GUCY1B1: variants seen among roughly 807,000 people sequenced by gnomAD.
The protein encoded by GUCY1B1 is guanylate cyclase 1 soluble subunit beta 1, also known as guanylate cyclase soluble subunit beta-1.
Under a neutral mutation model 71.0 loss-of-function variants are expected in GUCY1B1, and 43 were observed. The ratio of observed to expected loss-of-function variants is 0.61; its 90% CI spans 0.47 to 0.78. The LOEUF (loss-of-function observed/expected upper bound fraction) is 0.78, where lower values mean the gene tolerates loss of function less well. GUCY1B1 is among the 30% of genes least tolerant of loss of function. The pLI, the probability that GUCY1B1 is intolerant of heterozygous loss-of-function variation, is 0.00. For synonymous variants in GUCY1B1, 266 were observed against 259.7 expected, an observed-to-expected ratio of 1.02 and a Z score of -0.23; for missense variants, 535 against 754.1, an observed-to-expected ratio of 0.71 and a Z score of 3.40.
chr4:155,803,580 C>T, intron 10 of GUCY1B1, 44 bp from the exon 11 acceptor site: 5 of 1,339,664 alleles, frequency 3.7e-6, no homozygotes, highest in Non-Finnish European at 4.9e-6. Flanking sequence ...ATGAAACAGT[C>T]TTTTTTATGC....
At chr4:155,803,846 T>C in intron 11 of GUCY1B1, 82 bp downstream of exon 11, 2 of 904,696 alleles carry the variant, frequency 2.2e-6, no homozygotes, top group Non-Finnish European at 1.6e-6. Flanking sequence ...CGGAAAATCA[T>C]TAACGTGTAT....
At chr4:155,785,154 T>C in intron 4 of GUCY1B1, 1 of 518,728 alleles carries the variant, frequency 1.9e-6, no homozygotes, top group Non-Finnish European at 3.3e-6. Flanking sequence ...TATTAGAACA[T>C]TAAGAAATGA....
intron 4 of GUCY1B1, among the ~76,000 whole-genome samples, chr4:155,779,693 T>C (rs1174318943): frequency 6.6e-6 from 1 of 152,248 alleles, no homozygotes; most frequent in Admixed American, 6.5e-5. Flanking sequence ...TAGATATTTA[T>C]GTTATCATTA....
At chr4:155,803,311 A>G (rs983627523) in intron 10 of GUCY1B1, among the ~76,000 whole-genome samples, 2 of 152,224 alleles carry the variant, frequency 1.3e-5, no homozygotes, top group African/African-American at 4.8e-5. Flanking sequence ...TTAGGTAGAA[A>G]TGTAAAAAAT....
chr4:155,768,220 T>C (rs895061293), intron 2 of GUCY1B1, among the ~76,000 whole-genome samples: 4 of 152,174 alleles, frequency 2.6e-5, no homozygotes, highest in African/African-American at 9.7e-5. Flanking sequence ...GTCATATTCT[T>C]AACTTACTCT....
In GUCY1B1 at chr4:155,802,633, A is replaced by C. The variant is rs1017745064; in HGVS notation, c.1413+54A>C. On this transcript the variant is annotated intron_variant, in intron 10 of 13. Transcript: ENST00000264424. This position sits in a 1 kb window ranked among gnomAD's most constrained non-coding sequence, Gnocchi z 4.3. ...GCTATCCAGAGGCTGGCGTTCTGAG[A>C]CTCCCCTCCAGAGGCCATGTCATCA... 6.8e-7 allele frequency: 1 copy of C among 1,465,352 alleles called. No individual in the cohort carries two copies. The highest frequency in any genetic ancestry group is 9.1e-7 in the Non-Finnish European group (1 of 1,096,148). The allele number at this position is 1,465,352 out of a possible 1,614,324, so 90.8% of individuals were successfully genotyped here.
chr4:155,762,606 AC>A (rs2110962016), intron 2 of GUCY1B1, among the ~76,000 whole-genome samples: 1 of 152,290 alleles, frequency 6.6e-6, no homozygotes, highest in East Asian at 1.9e-4. Context: ...TTACACTCTT[AC>A]CAACAATATA....
intron 4 of GUCY1B1, among the ~76,000 whole-genome samples, chr4:155,786,484 T>G (rs1738788465): frequency 1.5e-5 from 2 of 136,354 alleles, no homozygotes; most frequent in Non-Finnish European, 3.2e-5. Context: ...TTTTTTTTTT[T>G]TTTGAGATGG....
At chr4:155,783,301 T>C (rs1372019025) in intron 4 of GUCY1B1, among the ~76,000 whole-genome samples, 1 of 152,240 alleles carries the variant, frequency 6.6e-6, no homozygotes, top group Non-Finnish European at 1.5e-5. Flanking sequence ...TATTACATTA[T>C]ATTGTTTTTA....
intron 4 of GUCY1B1, 99 bp from the exon 5 acceptor site, chr4:155,789,615 C>G (rs1739020877): frequency 8.7e-6 from 6 of 691,176 alleles, no homozygotes; most frequent in Non-Finnish European, 1.3e-5. Flanking sequence ...GATCTGCCCA[C>G]TAGACTCCGA....
intron 2 of GUCY1B1, among the ~76,000 whole-genome samples, chr4:155,762,867 C>T (rs1737089606): frequency 6.6e-6 from 1 of 152,180 alleles, no homozygotes; most frequent in African/African-American, 2.4e-5. Flanking sequence ...AAGTGGGCTA[C>T]ATGTGATCCA....
At position 155,806,667 on chromosome 4, in the gene GUCY1B1, A is replaced by T. The variant is rs1740339525; in HGVS notation, c.*258A>T. 5.0e-6 allele frequency: 2 copies of T among 397,786 alleles called. No individual in the cohort carries two copies. Among genetic ancestry groups the T allele is most frequent in the South Asian group, 1.6e-4 (2 of 12,888 alleles). The allele number at this position is 397,786 out of a possible 1,614,324, so 24.6% of individuals were successfully genotyped here. A position where few individuals can be genotyped will look rare whatever the true frequency, so the allele number is the denominator to read the frequency against. ...ATGATGTGAGCTTCATGTGTCTTAA[A>T]ATCTACTACAAGCATTACCTAACAT... is the stretch of plus-strand genomic sequence containing the variant. On this transcript the variant is annotated 3_prime_UTR_variant, in exon 14 of 14. Coordinates refer to ENST00000264424, the MANE Select transcript of GUCY1B1 (RefSeq NM_000857.5).
At chr4:155,779,528 CGTGAGA>C (rs1738277592) in intron 4 of GUCY1B1, among the ~76,000 whole-genome samples, 1 of 151,946 alleles carries the variant, frequency 6.6e-6, no homozygotes, top group South Asian at 2.1e-4. Flanking sequence ...TCTCTTTCAA[CGTGAGA>C]GTGAAAAATG....
chr4:155,768,480 G>T (rs1737493846), intron 2 of GUCY1B1, among the ~76,000 whole-genome samples: 1 of 146,438 alleles, frequency 6.8e-6, no homozygotes. Context: ...TTTTTGTAGG[G>T]AGCTTGGAAA....
At chr4:155,777,170 T>A (rs939385359) in intron 3 of GUCY1B1, among the ~76,000 whole-genome samples, 2 of 152,238 alleles carry the variant, frequency 1.3e-5, no homozygotes, top group Non-Finnish European at 2.9e-5. Context: ...CGAGTTCAGG[T>A]GTAGAATTTT....
chr4:155,774,349 A>G (rs1214141284), intron 2 of GUCY1B1, among the ~76,000 whole-genome samples: 1 of 151,516 alleles, frequency 6.6e-6, no homozygotes, highest in Non-Finnish European at 1.5e-5. Context: ...CCAGAACACA[A>G]TCTCTCTAAA....
intron 2 of GUCY1B1, among the ~76,000 whole-genome samples, chr4:155,762,832 C>T (rs1330899418): frequency 3.3e-5 from 5 of 152,220 alleles, no homozygotes; most frequent in South Asian, 2.1e-4. Flanking sequence ...ACCAGGAAAA[C>T]GCAAACAAAC....
chr4:155,802,076 G>C lies in GUCY1B1; in HGVS notation c.1176-266G>C, dbSNP rs1739990982. 3 of 649,308 alleles carry C rather than the reference G, an allele frequency of 4.6e-6. No individual in the cohort carries two copies. The highest frequency in any genetic ancestry group is 7.7e-6 in the Non-Finnish European group (3 of 389,878). 40.2% of individuals were successfully genotyped at this position (649,308 alleles called of 1,614,324 possible). ...TATTACCAGTCTTTTTGTTTTGTCTGTTTGCTTGGCTTATTTTGATTTGGT... is the reference window on the plus strand; with the variant it reads ...TATTACCAGTCTTTTTGTTTTGTCTCTTTGCTTGGCTTATTTTGATTTGGT... On this transcript the variant is annotated intron_variant, in intron 9 of 13. Coordinates refer to ENST00000264424, the MANE Select transcript of GUCY1B1 (RefSeq NM_000857.5). This position sits in a 1 kb window ranked among gnomAD's most constrained non-coding sequence, Gnocchi z 4.3.
chr4:155,775,504 G>T (rs1293473927), intron 3 of GUCY1B1, among the ~76,000 whole-genome samples: 1 of 152,108 alleles, frequency 6.6e-6, no homozygotes, highest in East Asian at 1.9e-4. Context: ...ATGTTGTCCA[G>T]GTTGGTCTTG....
Sources: allele counts gnomAD v4.1 joint callset (sites outside exome capture counted in the v4.1 genomes callset), GRCh38; gene constraint gnomAD v4.1.1; non-coding constraint Gnocchi (gnomAD v3.1); transcripts MANE v1.5; gene names NCBI Gene and HGNC (gene_info 2026-07-23, HGNC 2026-07-21).